PDXDC1: variants seen among roughly 807,000 people sequenced by gnomAD.
The protein encoded by PDXDC1 is pyridoxal-dependent decarboxylase domain-containing protein 1.
Under a neutral mutation model 100.1 loss-of-function variants are expected in PDXDC1, and 42 were observed. The ratio of observed to expected loss-of-function variants is 0.42; its 90% confidence interval spans 0.33 to 0.54. The LOEUF (loss-of-function observed/expected upper bound fraction) is 0.54. Among genes scored for constraint, PDXDC1 ranks in the 20% least tolerant of loss-of-function variants. PDXDC1 has a pLI of 0.10. For missense variants in PDXDC1, 636 were observed against 979.2 expected (o/e 0.65, Z 4.68); for synonymous variants, 260 against 371.7 (o/e 0.70, Z 3.46).
At chr16:15,148,547 C>A in the PDXDC1 span, among the ~76,000 whole-genome samples, 1 of 151,274 alleles carries the variant, frequency 6.6e-6, no homozygotes, top group South Asian at 2.1e-4. Context: ...CACGCCCGGC[C>A]AATGTTCTTT....
intron 16 of PDXDC1, among the ~76,000 whole-genome samples, chr16:15,089,669 G>T (rs553976694): frequency 1.3e-5 from 2 of 151,426 alleles, no homozygotes; most frequent in African/African-American, 4.9e-5. Context: ...CGGTGGTGGC[G>T]GGCGAGTGTA....
At chr16:15,148,572 C>T in the PDXDC1 span, among the ~76,000 whole-genome samples, 15 of 150,564 alleles carry the variant, frequency 1.0e-4, no homozygotes, top group East Asian at 1.2e-3. Flanking sequence ...TTTTAGAGAC[C>T]GGGGTCTCAC....
intron 7 of PDXDC1, chr16:15,009,443 A>G (rs2041072596): frequency 3.1e-6 from 2 of 647,632 alleles, no homozygotes; most frequent in Non-Finnish European, 5.0e-6. Context: ...AATCAAAGAA[A>G]TGTTCCTGCA....
At chr16:15,124,976 G>A (rs995418870) in intron 16 of PDXDC1, among the ~76,000 whole-genome samples, 4 of 149,644 alleles carry the variant, frequency 2.7e-5, no homozygotes, top group East Asian at 2.0e-4. Flanking sequence ...CTGAAACCCC[G>A]TCTCTACCAA....
chr16:15,010,583 G>A (rs1399573676), intron 8 of PDXDC1, among the ~76,000 whole-genome samples: 1 of 152,274 alleles, frequency 6.6e-6, no homozygotes, highest in Admixed American at 6.5e-5. Flanking sequence ...TACCTTATAG[G>A]CGGCAGAGCA....
chr16:15,114,850 AAAG>A (rs1171081490), intron 16 of PDXDC1, among the ~76,000 whole-genome samples: 2 of 140,106 alleles, frequency 1.4e-5, no homozygotes, highest in African/African-American at 5.2e-5. Context: ...GCCTATATTA[AAAG>A]AAGCAAAGTT....
At chr16:15,021,908 A>G (rs961261101) in intron 12 of PDXDC1, among the ~76,000 whole-genome samples, 7 of 152,300 alleles carry the variant, frequency 4.6e-5, no homozygotes, top group African/African-American at 1.7e-4. Flanking sequence ...ACCATGAAGT[A>G]CTTTCATGCA....
intron 16 of PDXDC1, among the ~76,000 whole-genome samples, chr16:15,098,343 T>C (rs1274496940): frequency 1.3e-5 from 2 of 151,074 alleles, no homozygotes; most frequent in African/African-American, 4.9e-5. Context: ...TGGGACTACA[T>C]GTGCCCGCCA....
the PDXDC1 span, among the ~76,000 whole-genome samples, chr16:15,150,248 G>A: frequency 2.6e-5 from 4 of 152,042 alleles, no homozygotes; most frequent in Non-Finnish European, 5.9e-5. Flanking sequence ...GGCTGAGGCA[G>A]GAGAATGGCG....
In PDXDC1 at chr16:14,989,513, G is replaced by A. The variant is rs1970205461; in HGVS notation, c.22-8240G>A. 17 of 1,612,252 alleles carry A rather than the reference G, an allele frequency of 1.1e-5. No individual in the cohort carries two copies. In the South Asian group the frequency reaches 1.9e-4, roughly 18 times the overall value. ...CAGTGGGCCCCACAGTCTGCAGCGC[G>A]GTCACGCGCTCCGTGGGGTTGTTGA... On this transcript the variant is annotated intron_variant, in intron 1 of 22. Coordinates refer to ENST00000396410, the MANE Select transcript of PDXDC1 (RefSeq NM_015027.4).
In PDXDC1 at chr16:15,131,569, C is replaced by T. The variant is rs1180312825; in HGVS notation, c.1400-7310C>T. On this transcript the variant is annotated intron_variant, in intron 16 of 16. Transcript: ENST00000535621. Reference sequence around the variant, plus strand: ...TGTCAGGGGCTCCTCGTTGAGCACGCGGGAGCGCGTGAGGATGCGCATGAG... The same window carrying T: ...TGTCAGGGGCTCCTCGTTGAGCACGTGGGAGCGCGTGAGGATGCGCATGAG... 1.3e-5 allele frequency: 21 copies of T among 1,595,334 alleles called. No homozygotes were observed. The East Asian group carries it at 2.9e-4, about 22-fold the overall frequency.
Position 15,037,835 on chromosome 16 carries a change from A to AAAATAAGTCTCAACAAATGCCTT in PDXDC1, c.*1561_*1583dup. ...GGACATCAATTTTTTAGTAAACCAA[A>AAAATAAGTCTCAACAAATGCCTT]AAATAAGTCTCAACAAATGCCTTTG... is the stretch of plus-strand genomic sequence containing the variant. On this transcript the variant is annotated 3_prime_UTR_variant, in exon 23 of 23. Coordinates refer to ENST00000396410, the MANE Select transcript of PDXDC1 (RefSeq NM_015027.4). The AAAATAAGTCTCAACAAATGCCTT allele has an allele frequency of 2.0e-6, 1 of 488,490 alleles. No individual in the cohort carries two copies. Among genetic ancestry groups the AAAATAAGTCTCAACAAATGCCTT allele is most frequent in the Non-Finnish European group, 3.6e-6 (1 of 279,486 alleles). The allele number at this position is 488,490 out of a possible 1,614,324, so 30.3% of individuals were successfully genotyped here.
At chr16:15,033,252 T>A in intron 18 of PDXDC1, 26 bp from the exon 19 acceptor site, 1 of 1,613,628 alleles carries the variant, frequency 6.2e-7, no homozygotes, top group Non-Finnish European at 8.5e-7. Flanking sequence ...ACTGAGAAAC[T>A]CAAGTTTGTC....
At chr16:15,151,969 G>A in the PDXDC1 span, among the ~76,000 whole-genome samples, 1 of 146,552 alleles carries the variant, frequency 6.8e-6, no homozygotes, top group East Asian at 1.9e-4. Flanking sequence ...GGGTCAGGAG[G>A]GGAAGGGTCG....
chr16:15,141,280 G>A (rs899665830), downstream of PDXDC1, among the ~76,000 whole-genome samples: 14 of 152,254 alleles, frequency 9.2e-5, no homozygotes, highest in African/African-American at 3.4e-4. Flanking sequence ...GCAAGGGCTT[G>A]AAAAGGGAAC....
intron 16 of PDXDC1, among the ~76,000 whole-genome samples, chr16:15,122,562 G>A (rs1169283764): frequency 6.8e-6 from 1 of 147,910 alleles, no homozygotes; most frequent in Non-Finnish European, 1.5e-5. Context: ...CGGGTCCAGC[G>A]TCTACTCACA....
chr16:15,152,290 C>A, the PDXDC1 span, among the ~76,000 whole-genome samples: 1 of 131,830 alleles, frequency 7.6e-6, no homozygotes, highest in Admixed American at 8.0e-5. Context: ...CAGACAGCAA[C>A]GCTCCTGGAC....
chr16:15,132,328 AG>A (rs1173519791), intron 16 of PDXDC1, among the ~76,000 whole-genome samples: 1 of 21,732 alleles, frequency 4.6e-5, no homozygotes. Context: ...AGCGGAGGGG[AG>A]GGGAGGGGGC....
At chr16:15,019,273 T>TG in intron 12 of PDXDC1, among the ~76,000 whole-genome samples, 1 of 152,328 alleles carries the variant, frequency 6.6e-6, no homozygotes, top group South Asian at 2.1e-4. Context: ...GGTGGAGGGG[T>TG]GGGGAGCGAG....
Sources: allele counts gnomAD v4.1 joint callset (sites outside exome capture counted in the v4.1 genomes callset), GRCh38; gene constraint gnomAD v4.1.1; transcripts MANE v1.5; gene names NCBI Gene and HGNC (gene_info 2026-07-23, HGNC 2026-07-21).